TEX11: variants seen among roughly 807,000 people sequenced by gnomAD.
The protein encoded by TEX11 is testis-expressed protein 11.
A neutral mutation model predicts 84.4 loss-of-function variants in TEX11; 7 were observed. That is an observed-to-expected ratio of 0.08 (90% CI 0.05 to 0.16). The LOEUF (loss-of-function observed/expected upper bound fraction) is 0.16, where lower values mean the gene tolerates loss of function less well. Among genes scored for constraint, TEX11 ranks in the 10% least tolerant of loss-of-function variants. TEX11 has a pLI of 1.00. For missense variants in TEX11, 551 were observed against 660.5 expected, an observed-to-expected ratio of 0.83 and a Z score of 1.82; for synonymous variants, 264 against 222.8, an observed-to-expected ratio of 1.18 and a Z score of -1.64.
At chrX:70,849,366 A>G (rs972615842) in intron 7 of TEX11, among the ~76,000 whole-genome samples, 1 of 112,019 alleles carries the variant, frequency 8.9e-6, no homozygotes, top group Non-Finnish European at 1.9e-5. Flanking sequence ...AATTTTTTCT[A>G]TCTTGCATAT....
intron 14 of TEX11, among the ~76,000 whole-genome samples, chrX:70,681,831 T>C (rs1165730948): frequency 9.0e-6 from 1 of 111,605 alleles, no homozygotes. Context: ...GGGAGGGTGT[T>C]ATCAGTAAAA....
chrX:70,709,024 T>A (rs766873522), intron 13 of TEX11, among the ~76,000 whole-genome samples: 33 of 111,357 alleles, frequency 3.0e-4, no homozygotes, highest in Non-Finnish European at 6.1e-4. Context: ...ACAAAACTTA[T>A]CTATACTGAA....
At chrX:70,657,495 T>C (rs1238689344) in intron 16 of TEX11, among the ~76,000 whole-genome samples, 1 of 105,078 alleles carries the variant, frequency 9.5e-6, no homozygotes, top group Non-Finnish European at 1.9e-5. Context: ...AGCAGCAAAG[T>C]ATCCCCACAG....
At chrX:70,588,815 T>A (rs1452655915) in intron 25 of TEX11, among the ~76,000 whole-genome samples, 1 of 109,867 alleles carries the variant, frequency 9.1e-6, no homozygotes, top group Non-Finnish European at 1.9e-5. Flanking sequence ...ACACCTGTAA[T>A]CACAGCACTT....
the TEX11 span, among the ~76,000 whole-genome samples, chrX:70,517,906 C>T: frequency 0.062 from 6,917 of 110,688 alleles, 187 homozygotes; most frequent in African/African-American, 0.099. Flanking sequence ...AGTTTATTTG[C>T]GTAGAGGTGT....
chrX:70,858,248 G>C (rs1487034338), intron 5 of TEX11, among the ~76,000 whole-genome samples: 1 of 108,786 alleles, frequency 9.2e-6, no homozygotes, highest in Non-Finnish European at 1.9e-5. Flanking sequence ...AGGAGTTCAA[G>C]ACCAGCCTGG....
chrX:70,805,395 CA>C (rs761106371), intron 9 of TEX11, among the ~76,000 whole-genome samples: 7 of 108,958 alleles, frequency 6.4e-5, no homozygotes, highest in East Asian at 5.7e-4. Context: ...CTCCATGATC[CA>C]TTTTTTTTTC....
intron 28 of TEX11, among the ~76,000 whole-genome samples, chrX:70,547,778 G>A (rs1022210304): frequency 3.6e-5 from 4 of 111,945 alleles, no homozygotes; most frequent in African/African-American, 9.7e-5. Flanking sequence ...AACAGGTGCT[G>A]GAGAAGATGT....
intron 25 of TEX11, among the ~76,000 whole-genome samples, chrX:70,568,007 T>A (rs982369431): frequency 1.8e-5 from 2 of 111,520 alleles, no homozygotes. Flanking sequence ...CAGAGGGGTG[T>A]TAAAGTCTCC....
chrX:70,712,398 G>A (rs1486562076), intron 13 of TEX11, among the ~76,000 whole-genome samples: 2 of 111,403 alleles, frequency 1.8e-5, no homozygotes, highest in Non-Finnish European at 3.8e-5. Context: ...CCATTTTCAT[G>A]ATATTGATTC....
chrX:70,815,100 C>T (rs1302454405), intron 8 of TEX11, among the ~76,000 whole-genome samples: 2 of 111,757 alleles, frequency 1.8e-5, no homozygotes, highest in African/African-American at 3.2e-5. Flanking sequence ...ATTTTCAAAG[C>T]AGTGAAATGT....
chrX:70,662,470 A>G (rs1239233857), intron 16 of TEX11, among the ~76,000 whole-genome samples: 5 of 111,642 alleles, frequency 4.5e-5, no homozygotes, highest in Non-Finnish European at 9.4e-5. Flanking sequence ...AACTTCCCCA[A>G]TCTAGCAAGG....
intron 13 of TEX11, among the ~76,000 whole-genome samples, chrX:70,713,628 G>A (rs1411317543): frequency 2.2e-4 from 24 of 111,193 alleles, no homozygotes; most frequent in South Asian, 3.8e-4. Context: ...CTGTGGGATC[G>A]GTGGTGATAT....
intron 9 of TEX11, among the ~76,000 whole-genome samples, chrX:70,755,519 C>G (rs2090860982): frequency 1.8e-5 from 2 of 111,730 alleles, no homozygotes; most frequent in African/African-American, 6.5e-5. Flanking sequence ...AGCAGACCTA[C>G]AAGATCTAGA....
At chrX:70,705,072 T>C (rs2090359543) in intron 13 of TEX11, among the ~76,000 whole-genome samples, 1 of 111,947 alleles carries the variant, frequency 8.9e-6, no homozygotes, top group African/African-American at 3.2e-5. Context: ...CCATTGCTTG[T>C]TTTTGTCAGG....
chrX:70,889,365 C>T (rs2091725959), intron 2 of TEX11, among the ~76,000 whole-genome samples: 1 of 109,021 alleles, frequency 9.2e-6, no homozygotes, highest in African/African-American at 3.3e-5. Context: ...TGCAGTGAGC[C>T]GAGTCTGCAC....
intron 24 of TEX11, among the ~76,000 whole-genome samples, chrX:70,596,529 T>C (rs756884436): frequency 9.0e-6 from 1 of 111,186 alleles, no homozygotes; most frequent in African/African-American, 3.3e-5. Flanking sequence ...AACAGATTCC[T>C]AAATAATAAA....
Position 70,810,678 on chromosome X carries a change from G to T in TEX11, c.607-3888C>A, listed in dbSNP as rs191307594. On this transcript the variant is annotated intron_variant, in intron 8 of 29. Transcript: ENST00000374333. ...AGGTATGGGAGGGATAGCATTAGGA[G>T]AAATACCTAATGTAGATGACGGGTT... is the stretch of plus-strand genomic sequence containing the variant. Among the ~76,000 whole-genome samples the T allele has an allele frequency of 1.1e-3, 117 of 110,533 alleles. 1 individual carries two copies. In the East Asian group the frequency reaches 0.02, roughly 19 times the overall value.
At chrX:70,524,375 A>G, downstream of TEX11, among the ~76,000 whole-genome samples, 1 of 112,347 alleles carries the variant, frequency 8.9e-6, no homozygotes, top group Admixed American at 9.4e-5. Flanking sequence ...GCTCTGTCTC[A>G]GCCCTCTCCT....
Sources: allele counts gnomAD v4.1 joint callset (sites outside exome capture counted in the v4.1 genomes callset), GRCh38; gene constraint gnomAD v4.1.1; transcripts MANE v1.5; gene names NCBI Gene and HGNC (gene_info 2026-07-23, HGNC 2026-07-21).